The following RGL1 variants were observed in gnomAD, a reference collection of about 807,000 sequenced individuals.
RGL1 encodes ral guanine nucleotide dissociation stimulator like 1.
RGL1 carries 24 observed loss-of-function variants against 95.2 expected under a neutral mutation model. The ratio of observed to expected loss-of-function variants is 0.25; its 90% CI spans 0.18 to 0.35. RGL1 has a LOEUF of 0.35. Among genes scored for constraint, RGL1 ranks in the 10% least tolerant of loss-of-function variants. The probability of loss-of-function intolerance (pLI) is 1.00; values close to 1 mark genes in which losing one functional copy is unlikely to be tolerated. For synonymous variants in RGL1, 329 were observed against 344.9 expected (o/e 0.95, Z 0.51); for missense variants, 715 against 936.3 (o/e 0.76, Z 3.08).
At chr1:183,921,040 A>G (rs1669283719) in intron 16 of RGL1, among the ~76,000 whole-genome samples, 1 of 152,208 alleles carries the variant, frequency 6.6e-6, no homozygotes, top group Admixed American at 6.5e-5. Context: ...TTTTTAAGTA[A>G]GAATAATCTG....
At chr1:183,791,807 C>T (rs1287506478) in intron 2 of RGL1, among the ~76,000 whole-genome samples, 2 of 152,154 alleles carry the variant, frequency 1.3e-5, no homozygotes, top group Non-Finnish European at 2.9e-5. Context: ...TTTCATAACT[C>T]AAGTTCTTCT....
intron 14 of RGL1, among the ~76,000 whole-genome samples, chr1:183,909,481 C>T (rs1469025122): frequency 6.6e-6 from 1 of 152,112 alleles, no homozygotes; most frequent in Non-Finnish European, 1.5e-5. Context: ...CAAGATCTAC[C>T]TTTGTAATTT....
At chr1:183,691,579 G>T (rs975909102) in intron 1 of RGL1, among the ~76,000 whole-genome samples, 1 of 152,140 alleles carries the variant, frequency 6.6e-6, no homozygotes, top group Non-Finnish European at 1.5e-5. Flanking sequence ...TTATGCAAAC[G>T]AATAATACAA....
At chr1:183,801,648 A>G (rs1660999571), upstream of RGL1, among the ~76,000 whole-genome samples, 1 of 152,234 alleles carries the variant, frequency 6.6e-6, no homozygotes. Context: ...ACCTGAGAGC[A>G]GGTACTTTAT....
Position 183,701,677 on chromosome 1 carries a change from G to T in RGL1, c.-32-40449G>T, listed in dbSNP as rs544462904. Among the ~76,000 whole-genome samples the T allele has an allele frequency of 2.0e-5, 3 of 152,070 alleles. No homozygotes were observed. The South Asian group carries it at 6.2e-4, about 32-fold the overall frequency. On this transcript the variant is annotated intron_variant, in intron 1 of 18. Transcript: ENST00000304685. Reference sequence around the variant, plus strand: ...TTATTGGCCGGGTGCAGTGGCTCATGCCTGTAATCCCAGCAGTTTGGGAGG... The same window carrying T: ...TTATTGGCCGGGTGCAGTGGCTCATTCCTGTAATCCCAGCAGTTTGGGAGG...
chr1:183,774,155 T>G (rs1013851028), intron 2 of RGL1, among the ~76,000 whole-genome samples: 1 of 152,134 alleles, frequency 6.6e-6, no homozygotes, highest in African/African-American at 2.4e-5. Context: ...GGGAACATGG[T>G]GTCTTCCATT....
At chr1:183,890,342 G>T (rs1254020744) in intron 8 of RGL1, among the ~76,000 whole-genome samples, 1 of 152,108 alleles carries the variant, frequency 6.6e-6, no homozygotes, top group Non-Finnish European at 1.5e-5. Flanking sequence ...TTGTATCTTA[G>T]TCTCCTTGGC....
intron 4 of RGL1, among the ~76,000 whole-genome samples, chr1:183,876,563 G>A (rs955888507): frequency 6.6e-6 from 1 of 152,176 alleles, no homozygotes; most frequent in Non-Finnish European, 1.5e-5. Context: ...ACTGAATTTA[G>A]GTTATGTCAC....
rs1277696481 is a variant in RGL1 at position 183,928,432 on chromosome 1, G to C, written c.*2140G>C. The C allele has an allele frequency of 6.6e-6, 1 of 152,468 alleles. No individual in the cohort carries two copies. Among genetic ancestry groups the C allele is most frequent in the Non-Finnish European group, 1.5e-5 (1 of 68,004 alleles). The allele number at this position is 152,468 out of a possible 1,614,324, so 9.4% of individuals were successfully genotyped here. A position where few individuals can be genotyped will look rare whatever the true frequency, so the allele number is the denominator to read the frequency against. On this transcript the variant is annotated 3_prime_UTR_variant, in exon 18 of 18. Transcript: ENST00000360851. ...AGCCGGGTAATGCTTTTAGCTGCTC[G>C]CATGCTTGTCTTTCTGCATCTCCAT...
intron 2 of RGL1, among the ~76,000 whole-genome samples, chr1:183,792,224 A>G (rs1660472959): frequency 6.6e-6 from 1 of 151,682 alleles, no homozygotes; most frequent in African/African-American, 2.4e-5. Context: ...CATGCTGCCT[A>G]TTATCAAGTT....
intron 4 of RGL1, among the ~76,000 whole-genome samples, chr1:183,870,955 A>G (rs1029571196): frequency 1.3e-5 from 2 of 152,176 alleles, no homozygotes; most frequent in Non-Finnish European, 2.9e-5. Context: ...TCTGTCACTT[A>G]CCAGTCATCT....
At chr1:183,659,172 A>G (rs1490313922) in intron 1 of RGL1, among the ~76,000 whole-genome samples, 1 of 152,096 alleles carries the variant, frequency 6.6e-6, no homozygotes, top group East Asian at 1.9e-4. Context: ...AAAGGAATAC[A>G]GCTCCTCACC....
chr1:183,860,905 G>A (rs943311162), intron 3 of RGL1, among the ~76,000 whole-genome samples: 1 of 151,330 alleles, frequency 6.6e-6, no homozygotes, highest in African/African-American at 2.4e-5. Flanking sequence ...GTGAAAGAAT[G>A]AATGATGGAA....
At chr1:183,753,289 A>G (rs766846859) in intron 2 of RGL1, among the ~76,000 whole-genome samples, 2 of 152,006 alleles carry the variant, frequency 1.3e-5, no homozygotes, top group Non-Finnish European at 2.9e-5. Flanking sequence ...TTATTGTATT[A>G]TTTACTTCTA....
chr1:183,907,111 C>G lies in RGL1; in HGVS notation c.1562+10C>G. The stretch of plus-strand genomic sequence containing the variant: ...TGAAGAGACTCAGCCTGTGAGTGTC[C>G]CCTGGGGGTTCTGGGGCTCCAAGAG... On this transcript the variant is annotated intron_variant, in intron 14 of 17. Coordinates refer to ENST00000360851, the MANE Select transcript of RGL1 (RefSeq NM_001297671.3). The G allele has an allele frequency of 1.3e-6, 2 of 1,566,182 alleles. No homozygotes were observed. The highest frequency in any genetic ancestry group is 1.8e-6 in the Non-Finnish European group (2 of 1,139,184).
intron 3 of RGL1, among the ~76,000 whole-genome samples, chr1:183,852,141 C>T (rs779473050): frequency 3.3e-5 from 5 of 152,120 alleles, no homozygotes; most frequent in Non-Finnish European, 5.9e-5. Flanking sequence ...TATTTCCCAC[C>T]GGAGAAGCTT....
At position 183,891,540 on chromosome 1, in the gene RGL1, C is replaced by A. The variant is rs561754906; in HGVS notation, c.1056-537C>A. 6.0e-4 allele frequency among the ~76,000 whole-genome samples: 91 copies of A among 152,246 alleles called. 1 individual carries two copies. Among genetic ancestry groups the A allele is most frequent in the African/African-American group, 2.1e-3 (89 of 41,546 alleles). ...ACCACCCCTGGTTGCAGAGCCCATCCGGTTCCACCATTCTCTGACTCTGGG... is the reference window on the plus strand; with the variant it reads ...ACCACCCCTGGTTGCAGAGCCCATCAGGTTCCACCATTCTCTGACTCTGGG... On this transcript the variant is annotated intron_variant, in intron 8 of 17. Transcript: ENST00000360851.
chr1:183,886,839 T>C (rs1667137133), intron 7 of RGL1, among the ~76,000 whole-genome samples: 1 of 152,126 alleles, frequency 6.6e-6, no homozygotes, highest in Non-Finnish European at 1.5e-5. Context: ...TGACCTAATA[T>C]GACTATATTT....
chr1:183,858,182 G>C (rs1665280568), intron 3 of RGL1, among the ~76,000 whole-genome samples: 1 of 152,130 alleles, frequency 6.6e-6, no homozygotes, highest in Non-Finnish European at 1.5e-5. Flanking sequence ...GGTGGTAACT[G>C]AGTTAGTAAC....
Sources: allele counts gnomAD v4.1 joint callset (sites outside exome capture counted in the v4.1 genomes callset), GRCh38; gene constraint gnomAD v4.1.1; transcripts MANE v1.5; gene names NCBI Gene and HGNC (gene_info 2026-07-23, HGNC 2026-07-21).